Variants in ACADL observed in about 807,000 individuals in gnomAD.
ACADL encodes the protein acyl-CoA dehydrogenase long chain, also known as long-chain specific acyl-CoA dehydrogenase, mitochondrial.
In ACADL, 60 loss-of-function variants were observed where a neutral mutation model predicts 56.9. The observed-to-expected ratio is 1.05, with a 90% CI of 0.86 to 1.31. The LOEUF (loss-of-function observed/expected upper bound fraction) is 1.31, where lower values mean the gene tolerates loss of function less well. ACADL is among the 50% of genes most tolerant of loss of function. The pLI is 0.00. For synonymous variants in ACADL, 158 were observed against 179.7 expected (o/e 0.88, Z 0.97); for missense variants, 484 against 525.5 (o/e 0.92, Z 0.77).
chr2:210,224,825 G>A (rs554971774), intron 1 of ACADL: 145 of 1,018,648 alleles, frequency 1.4e-4, no homozygotes, highest in Admixed American at 1.8e-4. Context: ...CGGGCCCAGG[G>A]GGTGACCACC....
chr2:210,196,263 CT>C (rs11328078), intron 8 of ACADL, among the ~76,000 whole-genome samples: 137,756 of 147,788 alleles, frequency 0.93, 64,234 homozygotes, highest in East Asian at 0.99. Context: ...CATTAAACCT[CT>C]TTTTTTTTTT....
chr2:210,206,813 G>T (rs563771102), intron 5 of ACADL, among the ~76,000 whole-genome samples: 2 of 151,908 alleles, frequency 1.3e-5, no homozygotes, highest in South Asian at 2.1e-4. Flanking sequence ...TTAGAGACAG[G>T]GTCTCTCTCA....
intron 8 of ACADL, among the ~76,000 whole-genome samples, chr2:210,196,165 G>A (rs1365130608): frequency 6.6e-6 from 1 of 151,984 alleles, no homozygotes; most frequent in Non-Finnish European, 1.5e-5. Context: ...ACGCTGTTTT[G>A]CCTGCTACCA....
chr2:210,210,403 A>C (rs1033371033), intron 4 of ACADL, 141 bp from the exon 5 acceptor site: 1 of 618,104 alleles, frequency 1.6e-6, no homozygotes, highest in Admixed American at 2.7e-5. Flanking sequence ...TGTTCACACA[A>C]TTGCACTGAA....
chr2:210,198,559 A>C (rs1688746775), intron 8 of ACADL, among the ~76,000 whole-genome samples: 3 of 152,124 alleles, frequency 2.0e-5, no homozygotes, highest in Non-Finnish European at 2.9e-5. Context: ...TTGCCCACTG[A>C]GTGAAGGAAA....
At chr2:210,218,388 C>T (rs1261711413) in intron 2 of ACADL, 1 of 354,438 alleles carries the variant, frequency 2.8e-6, no homozygotes, top group Non-Finnish European at 5.2e-6. Context: ...TCAAGCAATC[C>T]TCCCACCTCA....
intron 4 of ACADL, among the ~76,000 whole-genome samples, chr2:210,210,963 C>T (rs1172403450): frequency 1.3e-5 from 2 of 151,822 alleles, no homozygotes; most frequent in East Asian, 3.9e-4. Context: ...AAGAGTATGT[C>T]TCAAATGCCA....
intron 9 of ACADL, 85 bp downstream of exon 9, chr2:210,195,126 A>C (rs1688686227): frequency 1.9e-6 from 3 of 1,554,816 alleles, no homozygotes; most frequent in African/African-American, 2.7e-5. Context: ...TCTTCCTTTA[A>C]GACCCTCAAG....
At chr2:210,204,772 A>G (rs1373945459) in intron 6 of ACADL, 90 bp from the exon 7 acceptor site, 1 of 1,127,218 alleles carries the variant, frequency 8.9e-7, no homozygotes, top group African/African-American at 1.6e-5. Context: ...ATTTTTTCCA[A>G]AAAAACAAAA....
intron 8 of ACADL, among the ~76,000 whole-genome samples, chr2:210,198,875 A>G (rs1224408356): frequency 6.6e-6 from 1 of 152,152 alleles, no homozygotes; most frequent in Non-Finnish European, 1.5e-5. Context: ...GCAAAAAACC[A>G]TAAGATCGAC....
intron 3 of ACADL, 83 bp from the exon 4 acceptor site, chr2:210,216,594 A>C: frequency 7.4e-7 from 1 of 1,344,822 alleles, no homozygotes; most frequent in South Asian, 1.2e-5. Context: ...TTAAGGTCCT[A>C]TCAAATTGTT....
At chr2:210,198,184 T>TGGA (rs1288514259) in intron 8 of ACADL, among the ~76,000 whole-genome samples, 1 of 152,186 alleles carries the variant, frequency 6.6e-6, no homozygotes, top group Non-Finnish European at 1.5e-5. Context: ...GTGGGCTGGA[T>TGGA]GGAGTCTTTT....
intron 4 of ACADL, among the ~76,000 whole-genome samples, chr2:210,214,276 C>A (rs1689036992): frequency 6.6e-6 from 1 of 151,966 alleles, no homozygotes; most frequent in South Asian, 2.1e-4. Flanking sequence ...TTCTTTTCTT[C>A]CCACGTGTTT....
chr2:210,220,608 C>G (rs1689159029), intron 2 of ACADL, 39 bp downstream of exon 2: 1 of 1,591,260 alleles, frequency 6.3e-7, no homozygotes, highest in Non-Finnish European at 8.6e-7. Flanking sequence ...CTATAATACC[C>G]CTAGTATACA....
At chr2:210,193,458 T>C (rs1422319629) in intron 9 of ACADL, among the ~76,000 whole-genome samples, 3 of 152,060 alleles carry the variant, frequency 2.0e-5, no homozygotes, top group Non-Finnish European at 4.4e-5. Context: ...ATTAGAAAAT[T>C]ATATAGAGAT....
chr2:210,195,686 G>A (rs1688699912), intron 8 of ACADL, among the ~76,000 whole-genome samples: 3 of 152,252 alleles, frequency 2.0e-5, no homozygotes, highest in Admixed American at 6.5e-5. Context: ...AGGTACAGCC[G>A]TTGAAAACAC....
At chr2:210,200,476 T>G (rs188783499) in intron 8 of ACADL, among the ~76,000 whole-genome samples, 2 of 152,282 alleles carry the variant, frequency 1.3e-5, no homozygotes, top group Non-Finnish European at 2.9e-5. Context: ...TCTAAACACC[T>G]GAGTGAAAGG....
At chr2:210,220,081 G>A (rs1041826436) in intron 2 of ACADL, among the ~76,000 whole-genome samples, 1 of 152,018 alleles carries the variant, frequency 6.6e-6, no homozygotes, top group Non-Finnish European at 1.5e-5. Context: ...CATAGTAACA[G>A]TGTTAACATA....
intron 3 of ACADL, 164 bp downstream of exon 3, chr2:210,217,801 G>T (rs1425382243): frequency 1.2e-5 from 10 of 810,514 alleles, no homozygotes; most frequent in Non-Finnish European, 1.9e-5. Context: ...TTCAAAAAAT[G>T]TGCAAGAGTG....
Sources: gnomAD v4.1 joint callset for allele counts (sites outside exome capture counted in the v4.1 genomes callset) on GRCh38, gnomAD v4.1.1 for gene constraint, MANE v1.5 for transcripts, NCBI Gene and HGNC (gene_info 2026-07-23, HGNC 2026-07-21) for gene names.